KLF12: variants seen among roughly 807,000 people sequenced by gnomAD.
KLF12 encodes Krueppel-like factor 12.
KLF12 carries 9 observed loss-of-function variants against 37.8 expected under a neutral mutation model. That is an observed-to-expected ratio of 0.24 (90% CI 0.14 to 0.42). The LOEUF is 0.42. Ranked by LOEUF, KLF12 falls within the 10% of genes least tolerant of loss-of-function variation. The pLI, the probability that KLF12 is intolerant of heterozygous loss-of-function variation, is 1.00. For missense variants in KLF12, 411 were observed against 516.0 expected (o/e 0.80, Z 1.97); for synonymous variants, 208 against 202.1 (o/e 1.03, Z -0.25).
chr13:73,964,049 A>G (rs1367815672), intron 2 of KLF12, among the ~76,000 whole-genome samples: 1 of 152,242 alleles, frequency 6.6e-6, no homozygotes, highest in African/African-American at 2.4e-5. Flanking sequence ...AGTGAAATCA[A>G]CAAATGGGGA....
intron 1 of KLF12, among the ~76,000 whole-genome samples, chr13:74,096,641 A>G (rs1365116135): frequency 6.6e-6 from 1 of 152,216 alleles, no homozygotes; most frequent in Non-Finnish European, 1.5e-5. Context: ...ACTAGGTAAT[A>G]CCTATGACGA....
At chr13:73,841,219 C>A (rs1207820071) in intron 4 of KLF12, among the ~76,000 whole-genome samples, 1 of 152,122 alleles carries the variant, frequency 6.6e-6, no homozygotes, top group Admixed American at 6.6e-5. Flanking sequence ...GAAGGAGAAT[C>A]CTAAACGCGC....
At chr13:73,740,449 T>C (rs956990225) in intron 6 of KLF12, among the ~76,000 whole-genome samples, 2 of 152,240 alleles carry the variant, frequency 1.3e-5, no homozygotes, top group African/African-American at 4.8e-5. Context: ...AGGGTAAACC[T>C]GCTTAAGCAT....
At chr13:73,817,208 G>C (rs113315063) in intron 4 of KLF12, among the ~76,000 whole-genome samples, 34,510 of 151,112 alleles carry the variant, frequency 0.23, 4,052 homozygotes, top group East Asian at 0.48. Context: ...GTCCCAGCTA[G>C]TTGGGAGGCT....
chr13:73,978,757 G>C (rs1460781164), intron 2 of KLF12, among the ~76,000 whole-genome samples: 1 of 152,130 alleles, frequency 6.6e-6, no homozygotes. Context: ...GTTGCCAAAA[G>C]TAGGGACCAA....
At chr13:74,257,211 C>G in the KLF12 span, 2 of 152,146 alleles carry the variant, frequency 1.3e-5, 1 homozygote, top group South Asian at 4.1e-4. Context: ...GTCCCAGGAC[C>G]TGGAAGCGGC....
intron 6 of KLF12, among the ~76,000 whole-genome samples, chr13:73,725,876 TTTA>T (rs1876628015): frequency 2.0e-5 from 3 of 148,738 alleles, no homozygotes; most frequent in African/African-American, 5.1e-5. Context: ...TATTTATTTA[TTTA>T]TTTTTTGAGA....
chr13:74,048,580 C>A (rs1398667436), intron 1 of KLF12, among the ~76,000 whole-genome samples: 1 of 151,932 alleles, frequency 6.6e-6, no homozygotes, highest in African/African-American at 2.4e-5. Context: ...TATCATGTGG[C>A]CCAAAGTTGC....
the KLF12 span, among the ~76,000 whole-genome samples, chr13:74,253,021 A>G: frequency 1.1e-3 from 99 of 87,006 alleles, no homozygotes; most frequent in South Asian, 4.9e-3. Flanking sequence ...CTATCTATCT[A>G]TCTGTCTGTC....
At chr13:74,027,366 CCCA>C (rs1893001259) in intron 1 of KLF12, among the ~76,000 whole-genome samples, 1 of 152,140 alleles carries the variant, frequency 6.6e-6, no homozygotes, top group Admixed American at 6.6e-5. Context: ...AAGAAATCCC[CCCA>C]CTTCGCGATG....
intron 1 of KLF12, among the ~76,000 whole-genome samples, chr13:74,056,660 G>T (rs1593863057): frequency 6.6e-6 from 1 of 152,116 alleles, no homozygotes; most frequent in Non-Finnish European, 1.5e-5. Flanking sequence ...CATCTATATT[G>T]TTGAACTAAA....
At chr13:74,206,337 A>G in the KLF12 span, among the ~76,000 whole-genome samples, 1 of 152,186 alleles carries the variant, frequency 6.6e-6, no homozygotes, top group Non-Finnish European at 1.5e-5. Flanking sequence ...TGTTATAAAA[A>G]CATTGACTTT....
intron 1 of KLF12, among the ~76,000 whole-genome samples, chr13:74,038,596 C>G (rs1219714796): frequency 6.6e-6 from 1 of 152,088 alleles, no homozygotes; most frequent in Non-Finnish European, 1.5e-5. Context: ...TTGTCAATCA[C>G]CATTCCATTC....
chr13:73,936,717 A>C (rs1889949110), intron 3 of KLF12, among the ~76,000 whole-genome samples: 1 of 152,100 alleles, frequency 6.6e-6, no homozygotes, highest in Non-Finnish European at 1.5e-5. Context: ...CCAAGCAGTA[A>C]GCTGAGGCCA....
intron 2 of KLF12, among the ~76,000 whole-genome samples, chr13:73,966,119 T>C (rs371656274): frequency 1.6e-4 from 25 of 152,210 alleles, no homozygotes; most frequent in East Asian, 1.5e-3. Flanking sequence ...TGCCCCCAAA[T>C]TGGATAGTGG....
In KLF12 at chr13:73,944,569, G is replaced by A. The variant is rs952705458; in HGVS notation, c.34-499C>T. Among the ~76,000 whole-genome samples the A allele has an allele frequency of 2.6e-5, 4 of 152,028 alleles. No individual in the cohort carries two copies. The South Asian group carries it at 8.3e-4, about 32-fold the overall frequency. Reference sequence around the variant, plus strand: ...TAATTTTTATGTCATGGCAATTCTGGTCAAATGAAAATTTCTACCTATCAA... The same window carrying A: ...TAATTTTTATGTCATGGCAATTCTGATCAAATGAAAATTTCTACCTATCAA... On this transcript the variant is annotated intron_variant, in intron 2 of 7. Transcript: ENST00000377669.
chr13:73,776,959 T>C (rs1159769787), intron 5 of KLF12, among the ~76,000 whole-genome samples: 1 of 152,016 alleles, frequency 6.6e-6, no homozygotes, highest in African/African-American at 2.4e-5. Context: ...AACAGTCCAA[T>C]TGGGGAAGTA....
intron 5 of KLF12, among the ~76,000 whole-genome samples, chr13:73,774,401 G>A (rs1191113782): frequency 1.3e-5 from 2 of 151,782 alleles, no homozygotes; most frequent in Non-Finnish European, 2.9e-5. Context: ...AAAAGCTTTG[G>A]CCCTACAGGA....
intron 1 of KLF12, among the ~76,000 whole-genome samples, chr13:74,096,147 G>C (rs2138845356): frequency 6.6e-6 from 1 of 152,246 alleles, no homozygotes; most frequent in African/African-American, 2.4e-5. Context: ...TTCCCTTTTA[G>C]TTAGAAAGCT....
Sources: gnomAD v4.1 joint callset for allele counts (sites outside exome capture counted in the v4.1 genomes callset) on GRCh38, gnomAD v4.1.1 for gene constraint, MANE v1.5 for transcripts, NCBI Gene and HGNC (gene_info 2026-07-23, HGNC 2026-07-21) for gene names.